The following LAMA2 variants were observed in gnomAD, a reference collection of about 807,000 sequenced individuals.
LAMA2 encodes laminin subunit alpha 2.
A neutral mutation model predicts 364.8 loss-of-function variants in LAMA2; 269 were observed. The observed-to-expected ratio is 0.74, with a 90% CI of 0.67 to 0.82. LAMA2 has a LOEUF of 0.82. Ranked by LOEUF, LAMA2 falls within the 40% of genes least tolerant of loss-of-function variation. The pLI is 0.00. For synonymous variants in LAMA2, 1,379 were observed against 1,370.6 expected (o/e 1.01, Z -0.14); for missense variants, 3,807 against 3,873.2 (o/e 0.98, Z 0.45).
chr6:128,981,482 C>A (rs1346733429), intron 1 of LAMA2, among the ~76,000 whole-genome samples: 1 of 151,692 alleles, frequency 6.6e-6, no homozygotes, highest in African/African-American at 2.4e-5. Flanking sequence ...GTGGCACACA[C>A]CTGTAATCCC....
At chr6:129,298,031 A>G (rs1773304020) in intron 21 of LAMA2, among the ~76,000 whole-genome samples, 166 bp downstream of exon 21, 1 of 38,898 alleles carries the variant, frequency 2.6e-5, no homozygotes, top group Non-Finnish European at 4.5e-5. Context: ...AATACATGTC[A>G]GTTTGAAACA....
At chr6:128,963,594 C>G (rs546306209) in intron 1 of LAMA2, among the ~76,000 whole-genome samples, 1 of 152,132 alleles carries the variant, frequency 6.6e-6, no homozygotes, top group South Asian at 2.1e-4. Context: ...TCAAAAGAAC[C>G]TCAGCAAAAC....
At chr6:128,919,664 C>G (rs187752051) in intron 1 of LAMA2, among the ~76,000 whole-genome samples, 283 of 152,302 alleles carry the variant, frequency 1.9e-3, no homozygotes, top group African/African-American at 6.5e-3. Flanking sequence ...TAGCCCTCCC[C>G]CATTTGTTTG....
Position 129,144,212 on chromosome 6 carries a change from G to GATTATT in LAMA2, c.819+148_819+153dup, listed in dbSNP as rs543824838. ...ATCAAATTTTTATTTTAGAATTGTA[G>GATTATT]ATTATTATTATTATTATTATTTGAA... On this transcript the variant is annotated intron_variant, in intron 5 of 64. Coordinates refer to ENST00000421865, the MANE Select transcript of LAMA2 (RefSeq NM_000426.4). 1.8e-3 allele frequency: 1,105 copies of GATTATT among 623,156 alleles called. 10 individuals carry two copies. In the African/African-American group the frequency reaches 0.019, roughly 11 times the overall value. 38.6% of individuals were successfully genotyped at this position (623,156 alleles called of 1,614,324 possible).
chr6:129,181,016 T>C (rs1357515650), intron 10 of LAMA2, among the ~76,000 whole-genome samples: 1 of 152,074 alleles, frequency 6.6e-6, no homozygotes, highest in Non-Finnish European at 1.5e-5. Context: ...AGAAAATTCT[T>C]CCTGCAAGCC....
At chr6:128,924,717 G>A (rs1291731199) in intron 1 of LAMA2, among the ~76,000 whole-genome samples, 1 of 152,284 alleles carries the variant, frequency 6.6e-6, no homozygotes, top group African/African-American at 2.4e-5. Context: ...ATGCAGAGGG[G>A]TTATTTCCCA....
chr6:129,455,868 A>T (rs1463442745), intron 47 of LAMA2, among the ~76,000 whole-genome samples: 1 of 152,206 alleles, frequency 6.6e-6, no homozygotes, highest in Non-Finnish European at 1.5e-5. Flanking sequence ...AGGAGAAATC[A>T]TGCAGCTTAT....
At chr6:129,343,615 G>A (rs1776387415) in intron 30 of LAMA2, among the ~76,000 whole-genome samples, 1 of 152,088 alleles carries the variant, frequency 6.6e-6, no homozygotes, top group Non-Finnish European at 1.5e-5. Flanking sequence ...GTTTTAAAAA[G>A]TAAGCCATTT....
chr6:129,426,851 G>A (rs1032278135), intron 40 of LAMA2, among the ~76,000 whole-genome samples: 3 of 152,138 alleles, frequency 2.0e-5, no homozygotes, highest in African/African-American at 7.2e-5. Flanking sequence ...CAGTCCAGAT[G>A]CCTTTAACGA....
intron 3 of LAMA2, among the ~76,000 whole-genome samples, chr6:129,096,741 C>A (rs538577246): frequency 6.6e-6 from 1 of 152,250 alleles, no homozygotes; most frequent in African/African-American, 2.4e-5. Flanking sequence ...AGTATTTTAT[C>A]CACTAGTTGT....
chr6:129,028,339 A>G (rs1785978606), intron 1 of LAMA2, among the ~76,000 whole-genome samples: 1 of 91,890 alleles, frequency 1.1e-5, no homozygotes, highest in Non-Finnish European at 2.9e-5. Context: ...TGTCTTCAGT[A>G]CTTTTTTGGG....
Position 129,245,923 on chromosome 6 carries a change from TC to T in LAMA2, c.1783-4188del, listed in dbSNP as rs1218329296. On this transcript the variant is annotated intron_variant, in intron 12 of 64. Transcript: ENST00000421865. ...GGCTAGATCAGACATACCCAGACAT[TC>T]TCAGTTCAGAATGTTCATAGCGTAT... Among the ~76,000 whole-genome samples, 15 of 152,262 alleles carry T rather than the reference TC, an allele frequency of 9.9e-5. No homozygotes were observed. The East Asian group carries it at 2.9e-3, about 29-fold the overall frequency.
At chr6:129,073,100 A>C (rs1773425101) in intron 3 of LAMA2, among the ~76,000 whole-genome samples, 1 of 151,720 alleles carries the variant, frequency 6.6e-6, no homozygotes, top group African/African-American at 2.4e-5. Flanking sequence ...TACTTTTGAG[A>C]CTTATTTTCC....
chr6:129,478,721 G>A lies in LAMA2; in HGVS notation c.7480G>A (p.Gly2494Ser), dbSNP rs775322557. 6.2e-6 allele frequency: 10 copies of A among 1,613,254 alleles called. No individual in the cohort carries two copies. The highest frequency in any genetic ancestry group is 1.7e-4 in the Middle Eastern group (1 of 6,058). The stretch of plus-strand genomic sequence containing the variant: ...AGAAGTAAATCTGAAGAAATATTCC[G>A]GCTGCCTCAAAGATATTGAAATTTC... Reference protein sequence around the residue: ...RPEVNLKKYSGCLKDIEISRT... With the variant: ...RPEVNLKKYSSCLKDIEISRT... The change falls in exon 54 of 65, where the codon GGC (glycine) becomes AGC (serine). Residue 2494 changes from glycine to serine, a missense_variant. By Grantham distance (56) the Gly-to-Ser change is moderately conservative. Coordinates refer to ENST00000421865, the MANE Select transcript of LAMA2 (RefSeq NM_000426.4).
chr6:129,381,501 G>A (rs1482468292), intron 34 of LAMA2, among the ~76,000 whole-genome samples: 1 of 152,058 alleles, frequency 6.6e-6, no homozygotes, highest in African/African-American at 2.4e-5. Context: ...ATGTGAATGT[G>A]TTTATGTATA....
intron 28 of LAMA2, among the ~76,000 whole-genome samples, chr6:129,325,640 A>AC: frequency 6.6e-6 from 1 of 152,206 alleles, no homozygotes; most frequent in South Asian, 2.1e-4. Flanking sequence ...CCATCAGGAT[A>AC]CGAAATAAAT....
chr6:129,229,806 G>C (rs577199669), intron 12 of LAMA2, among the ~76,000 whole-genome samples: 2 of 152,152 alleles, frequency 1.3e-5, no homozygotes, highest in African/African-American at 4.8e-5. Context: ...CTATGGACCT[G>C]AGCAACTAAA....
At chr6:129,158,719 C>CA (rs778418470) in intron 8 of LAMA2, 7 of 1,614,022 alleles carry the variant, frequency 4.3e-6, no homozygotes, top group Non-Finnish European at 5.9e-6. Context: ...ATGTGGGTTG[C>CA]AAATACTGGT....
At chr6:129,508,236 T>C (rs1786265930) in intron 62 of LAMA2, among the ~76,000 whole-genome samples, 1 of 23,326 alleles carries the variant, frequency 4.3e-5, no homozygotes, top group Non-Finnish European at 1.6e-4. Flanking sequence ...CCTTTAATTT[T>C]TAATTTTTGT....
Sources: allele counts gnomAD v4.1 joint callset (sites outside exome capture counted in the v4.1 genomes callset), GRCh38; gene constraint gnomAD v4.1.1; transcripts MANE v1.5; gene names NCBI Gene and HGNC (gene_info 2026-07-23, HGNC 2026-07-21).